RBFOX1: variants seen among roughly 807,000 people sequenced by gnomAD.
RBFOX1 encodes RNA binding protein fox-1 homolog 1.
Under a neutral mutation model 57.7 loss-of-function variants are expected in RBFOX1, and 8 were observed. The observed-to-expected ratio is 0.14, with a 90% confidence interval of 0.08 to 0.25. RBFOX1 has a LOEUF of 0.25. Among genes scored for constraint, RBFOX1 ranks in the 10% least tolerant of loss-of-function variants. The pLI, the probability that RBFOX1 is intolerant of heterozygous loss-of-function variation, is 1.00. For missense variants in RBFOX1, 611 were observed against 548.5 expected, an observed-to-expected ratio of 1.11 and a Z score of -1.14; for synonymous variants, 326 against 222.4, an observed-to-expected ratio of 1.47 and a Z score of -4.15.
rs74008581 is a variant in RBFOX1 at position 7,053,775 on chromosome 16, T to C, written c.27+1677T>C. Among the ~76,000 whole-genome samples the C allele has an allele frequency of 5.1e-3, 771 of 152,250 alleles. 7 individuals are homozygous for C. The highest frequency in any genetic ancestry group is 0.017 in the African/African-American group (727 of 41,550). The stretch of plus-strand genomic sequence containing the variant: ...GATATTAACATAATGGTTCATTTAG[T>C]TTAGTCCCAAGTATGGCTCCAATAG... On this transcript the variant is annotated intron_variant, in intron 4 of 15. Transcript: ENST00000550418.
At position 7,628,390 on chromosome 16, in the gene RBFOX1, C is replaced by T. The variant is rs116205194; in HGVS notation, c.677-2213C>T. Among the ~76,000 whole-genome samples, 824 of 152,232 alleles carry T rather than the reference C, an allele frequency of 5.4e-3. 12 individuals carry two copies. The highest frequency in any genetic ancestry group is 0.019 in the African/African-American group (794 of 41,524). ...GCAGTGAGCAGAAGCACATAGATAACCGCTGCAGAGTCACACAGGAGTACT... is the reference window on the plus strand; with the variant it reads ...GCAGTGAGCAGAAGCACATAGATAATCGCTGCAGAGTCACACAGGAGTACT... On this transcript the variant is annotated intron_variant, in intron 10 of 15. Transcript: ENST00000550418.
chr16:5,454,540 A>G (rs991589009), intron 1 of RBFOX1, among the ~76,000 whole-genome samples: 13 of 152,182 alleles, frequency 8.5e-5, no homozygotes, highest in Non-Finnish European at 1.8e-4. Context: ...GCTGTATCCA[A>G]TCAGTTGAAG....
chr16:7,641,024 G>T (rs2143243588), intron 11 of RBFOX1, among the ~76,000 whole-genome samples: 1 of 152,262 alleles, frequency 6.6e-6, no homozygotes, highest in African/African-American at 2.4e-5. Flanking sequence ...ATGCAATGGA[G>T]CAGGTGCACA....
intron 4 of RBFOX1, among the ~76,000 whole-genome samples, chr16:7,091,359 T>C (rs35451846): frequency 0.016 from 2,432 of 152,016 alleles, 32 homozygotes; most frequent in Non-Finnish European, 0.025. Context: ...CCTCACCTTT[T>C]AAAAACTTTT....
chr16:6,632,338 A>G (rs2098395304), intron 2 of RBFOX1, among the ~76,000 whole-genome samples: 1 of 128,030 alleles, frequency 7.8e-6, no homozygotes, highest in Non-Finnish European at 1.8e-5. Context: ...AGGGAGAAAG[A>G]AAAAAAAAAA....
At chr16:6,500,876 G>GA (rs2095890429) in intron 2 of RBFOX1, among the ~76,000 whole-genome samples, 1 of 30,134 alleles carries the variant, frequency 3.3e-5, no homozygotes, top group African/African-American at 6.6e-5. Context: ...TTGGGGAGTA[G>GA]TTTTTTTTTT....
At chr16:6,825,522 T>A (rs1452952225) in intron 3 of RBFOX1, among the ~76,000 whole-genome samples, 1 of 152,156 alleles carries the variant, frequency 6.6e-6, no homozygotes, top group African/African-American at 2.4e-5. Flanking sequence ...TCTCACTTTT[T>A]GAACAGTCTT....
chr16:5,476,191 AT>A (rs1469373695), intron 2 of RBFOX1, among the ~76,000 whole-genome samples: 4 of 152,190 alleles, frequency 2.6e-5, no homozygotes, highest in Admixed American at 2.6e-4. Flanking sequence ...CAGGCAATGC[AT>A]GTTACATACC....
At chr16:6,502,212 G>T (rs2095955654) in intron 2 of RBFOX1, among the ~76,000 whole-genome samples, 2 of 152,172 alleles carry the variant, frequency 1.3e-5, no homozygotes, top group Admixed American at 1.3e-4. Flanking sequence ...CTCATGGGGA[G>T]CTATGCAGAT....
chr16:7,350,369 A>G (rs932986275), intron 4 of RBFOX1, among the ~76,000 whole-genome samples: 6 of 152,288 alleles, frequency 3.9e-5, no homozygotes, highest in Non-Finnish European at 8.8e-5. Flanking sequence ...TGGCTGTGAC[A>G]CAGTGGGTAA....
At chr16:5,984,972 ATATATTTTTT>A (rs1464275740) in intron 4 of RBFOX1, among the ~76,000 whole-genome samples, 5 of 55,722 alleles carry the variant, frequency 9.0e-5, no homozygotes, top group African/African-American at 4.2e-4. Context: ...ATATATATAT[ATATATTTTTT>A]TTTTTTTTTT....
intron 1 of RBFOX1, among the ~76,000 whole-genome samples, chr16:5,440,853 T>C (rs989867373): frequency 3.3e-5 from 5 of 152,204 alleles, no homozygotes; most frequent in Non-Finnish European, 7.3e-5. Context: ...ATCAACTCAC[T>C]AGTTTACTAT....
chr16:7,229,207 T>A (rs529356245), intron 4 of RBFOX1, among the ~76,000 whole-genome samples: 1 of 152,250 alleles, frequency 6.6e-6, no homozygotes, highest in African/African-American at 2.4e-5. Context: ...GCCTTAAACA[T>A]TGCAGTGTCC....
chr16:5,840,101 T>C (rs2056580061), intron 3 of RBFOX1, among the ~76,000 whole-genome samples: 1 of 152,182 alleles, frequency 6.6e-6, no homozygotes. Context: ...GAACACCCTC[T>C]TCCTCAATTT....
intron 4 of RBFOX1, among the ~76,000 whole-genome samples, chr16:7,429,640 G>A (rs891503328): frequency 1.1e-4 from 16 of 152,154 alleles, no homozygotes; most frequent in African/African-American, 3.9e-4. Flanking sequence ...CAGGATGGGA[G>A]GAACTGATAA....
At chr16:6,919,195 C>T (rs1261233290) in intron 3 of RBFOX1, among the ~76,000 whole-genome samples, 1 of 152,038 alleles carries the variant, frequency 6.6e-6, no homozygotes, top group Admixed American at 6.6e-5. Context: ...GTTGGCCAGG[C>T]TGGTCTTGAA....
At chr16:5,902,552 ATT>A (rs1262000677) in intron 4 of RBFOX1, among the ~76,000 whole-genome samples, 1 of 152,052 alleles carries the variant, frequency 6.6e-6, no homozygotes, top group Admixed American at 6.6e-5. Flanking sequence ...AGTAGCTGGG[ATT>A]GCAGGTGCCT....
At chr16:5,740,334 CAG>C (rs2052729084) in intron 3 of RBFOX1, among the ~76,000 whole-genome samples, 1 of 152,190 alleles carries the variant, frequency 6.6e-6, no homozygotes, top group Admixed American at 6.5e-5. Flanking sequence ...CTCCACCAAA[CAG>C]GGTGCAGCAC....
chr16:5,394,178 C>T (rs927488742), intron 1 of RBFOX1, among the ~76,000 whole-genome samples: 4 of 152,024 alleles, frequency 2.6e-5, no homozygotes, highest in Non-Finnish European at 2.9e-5. Flanking sequence ...CATGCACTAC[C>T]GTACCCGGCT....
Sources: gnomAD v4.1 joint callset for allele counts (sites outside exome capture counted in the v4.1 genomes callset) on GRCh38, gnomAD v4.1.1 for gene constraint, MANE v1.5 for transcripts, NCBI Gene and HGNC (gene_info 2026-07-23, HGNC 2026-07-21) for gene names.